The following CADM2 variants were observed in gnomAD, a reference collection of about 807,000 sequenced individuals.
CADM2 encodes the protein cell adhesion molecule 2, also known as immunoglobulin superfamily member 4D.
In CADM2, 12 loss-of-function variants were observed where a neutral mutation model predicts 49.8. The observed-to-expected ratio is 0.24, with a 90% CI of 0.15 to 0.39. CADM2 has a LOEUF of 0.39. Ranked by LOEUF, CADM2 falls within the 10% of genes least tolerant of loss-of-function variation. CADM2 has a pLI of 1.00. For missense variants in CADM2, 378 were observed against 492.3 expected (o/e 0.77, Z 2.20); for synonymous variants, 214 against 175.4 (o/e 1.22, Z -1.74).
chr3:85,351,794 C>T (rs1440947905), intron 1 of CADM2, among the ~76,000 whole-genome samples: 1 of 152,096 alleles, frequency 6.6e-6, no homozygotes, highest in Non-Finnish European at 1.5e-5. Flanking sequence ...ATATTATTCT[C>T]TTAGTGGGAA....
At position 84,959,542 on chromosome 3, in the gene CADM2, T is replaced by C; in HGVS notation, c.-66T>C. Reference sequence around the variant, plus strand: ...AGGACACCAGCGGAGCCCTGCACTCTCGTGCCCCGCTCACCAGCATCTACT... The same window carrying C: ...AGGACACCAGCGGAGCCCTGCACTCCCGTGCCCCGCTCACCAGCATCTACT... On this transcript the variant is annotated 5_prime_UTR_variant, in exon 1 of 10. Transcript: ENST00000383699. 1 of 1,447,780 alleles carries C rather than the reference T, an allele frequency of 6.9e-7. No individual in the cohort carries two copies. The highest frequency in any genetic ancestry group is 9.4e-7 in the Non-Finnish European group (1 of 1,066,276). 89.7% of individuals were successfully genotyped at this position (1,447,780 alleles called of 1,614,324 possible).
intron 1 of CADM2, among the ~76,000 whole-genome samples, chr3:85,628,578 C>CATATAT (rs1553752217): frequency 9.4e-5 from 1 of 10,650 alleles, no homozygotes. Flanking sequence ...CATATATACA[C>CATATAT]ACACATATAT....
intron 1 of CADM2, among the ~76,000 whole-genome samples, chr3:85,530,321 CGT>C (rs2061271368): frequency 3.4e-5 from 4 of 119,030 alleles, no homozygotes; most frequent in Non-Finnish European, 4.8e-5. Context: ...TTCTTTTCTC[CGT>C]TTTTTTTTTT....
At chr3:85,867,586 G>A (rs929080587) in intron 3 of CADM2, among the ~76,000 whole-genome samples, 32 of 152,094 alleles carry the variant, frequency 2.1e-4, no homozygotes, top group African/African-American at 4.6e-4. Flanking sequence ...TTCAAAATAT[G>A]GAGAAGCTGT....
intron 1 of CADM2, among the ~76,000 whole-genome samples, chr3:85,700,483 A>G (rs2066720676): frequency 6.6e-6 from 1 of 152,210 alleles, no homozygotes; most frequent in Non-Finnish European, 1.5e-5. Flanking sequence ...TTAAAATATT[A>G]AAAAGTAAAT....
At chr3:85,786,124 C>G (rs1251050974) in intron 2 of CADM2, among the ~76,000 whole-genome samples, 2 of 151,992 alleles carry the variant, frequency 1.3e-5, no homozygotes, top group African/African-American at 4.8e-5. Context: ...CAACTATTCT[C>G]CAGAATCTGC....
rs146044169 is a variant in CADM2, at chr3:85,092,920, G to A, written c.61+133252G>A. 4.1e-3 allele frequency among the ~76,000 whole-genome samples: 621 copies of A among 152,196 alleles called. 1 individual carries two copies. The highest frequency in any genetic ancestry group is 0.01 in the Middle Eastern group (3 of 294). On this transcript the variant is annotated intron_variant, in intron 1 of 9. Coordinates refer to ENST00000383699, the MANE Select transcript of CADM2 (RefSeq NM_001167675.2). ...TGAATTTACCTTTGTCATTCTCATT[G>A]AAATCTACAGTTTGTCAGGTTTTAT...
At chr3:85,103,536 C>T (rs1322482594) in intron 1 of CADM2, among the ~76,000 whole-genome samples, 1 of 152,056 alleles carries the variant, frequency 6.6e-6, no homozygotes, top group African/African-American at 2.4e-5. Context: ...ATAAGAAAAA[C>T]TTACACTGTA....
intron 1 of CADM2, among the ~76,000 whole-genome samples, chr3:85,105,101 C>T (rs1341100627): frequency 6.6e-6 from 1 of 152,080 alleles, no homozygotes. Flanking sequence ...GAACTTCCAA[C>T]ACTATGTTGA....
At chr3:85,324,355 C>G (rs2044692897) in intron 1 of CADM2, among the ~76,000 whole-genome samples, 1 of 152,090 alleles carries the variant, frequency 6.6e-6, no homozygotes, top group African/African-American at 2.4e-5. Context: ...GGATTCTACG[C>G]CCAAAGCTCT....
chr3:85,893,391 C>T (rs1024874879), intron 5 of CADM2, among the ~76,000 whole-genome samples: 1 of 152,152 alleles, frequency 6.6e-6, no homozygotes, highest in African/African-American at 2.4e-5. Flanking sequence ...ACCATAAAAA[C>T]CCTAGAAGAA....
At chr3:85,916,542 G>A (rs1718355797) in intron 6 of CADM2, among the ~76,000 whole-genome samples, 1 of 151,880 alleles carries the variant, frequency 6.6e-6, no homozygotes, top group South Asian at 2.1e-4. Flanking sequence ...TGGTGTATAT[G>A]TGCCACATTT....
At chr3:84,975,503 A>T (rs1005324833) in intron 1 of CADM2, among the ~76,000 whole-genome samples, 2 of 151,844 alleles carry the variant, frequency 1.3e-5, no homozygotes, top group East Asian at 1.9e-4. Context: ...GAAAACCCGG[A>T]TATAAAGTAA....
chr3:84,977,355 A>G (rs2031884314), intron 1 of CADM2, among the ~76,000 whole-genome samples: 1 of 151,998 alleles, frequency 6.6e-6, no homozygotes, highest in African/African-American at 2.4e-5. Context: ...GAGCACTGAT[A>G]ATGAAGAAGC....
rs569220137 is a variant in CADM2 at position 85,989,129 on chromosome 3, G to A, written c.970+27482G>A. On this transcript the variant is annotated intron_variant, in intron 8 of 9. Transcript: ENST00000383699. ...CCCATTCCTCCACTCTGTTACTCTG[G>A]ATGTCAGCAGGAAACTAATGGCCAT... Among the ~76,000 whole-genome samples the A allele has an allele frequency of 1.9e-3, 290 of 152,122 alleles. 1 individual carries two copies. Among genetic ancestry groups the A allele is most frequent in the African/African-American group, 6.4e-3 (267 of 41,508 alleles).
chr3:86,052,499 A>C (rs990174843), intron 8 of CADM2, among the ~76,000 whole-genome samples: 2 of 152,148 alleles, frequency 1.3e-5, no homozygotes, highest in Admixed American at 1.3e-4. Flanking sequence ...TGTTTGGCCT[A>C]TAAGGTTCTG....
intron 1 of CADM2, among the ~76,000 whole-genome samples, chr3:85,513,700 G>C (rs536340099): frequency 2.2e-4 from 33 of 151,994 alleles, no homozygotes; most frequent in Non-Finnish European, 4.4e-4. Context: ...GTTAATTGAT[G>C]CTTTACTTAA....
intron 1 of CADM2, among the ~76,000 whole-genome samples, chr3:85,435,746 T>C (rs1192005364): frequency 6.6e-6 from 1 of 152,198 alleles, no homozygotes; most frequent in Admixed American, 6.5e-5. Context: ...GTGGTTTTGA[T>C]TTGCATTTCT....
chr3:85,935,672 A>G (rs767768472), intron 6 of CADM2, 95 bp from the exon 7 acceptor site: 1 of 528,806 alleles, frequency 1.9e-6, no homozygotes, highest in Non-Finnish European at 3.3e-6. Context: ...TAAATAATAT[A>G]TAAGAAATGC....
Sources: allele counts gnomAD v4.1 joint callset (sites outside exome capture counted in the v4.1 genomes callset), GRCh38; gene constraint gnomAD v4.1.1; transcripts MANE v1.5; gene names NCBI Gene and HGNC (gene_info 2026-07-23, HGNC 2026-07-21).